PRR16: variants seen among roughly 807,000 people sequenced by gnomAD.
The protein encoded by PRR16 is proline rich 16.
PRR16 carries 6 observed loss-of-function variants against 18.2 expected under a neutral mutation model. The observed-to-expected ratio is 0.33, with a 90% confidence interval of 0.18 to 0.65. The LOEUF is 0.65. Among genes scored for constraint, PRR16 ranks in the 30% least tolerant of loss-of-function variants. PRR16 has a pLI of 0.74. For missense variants in PRR16, 412 were observed against 376.6 expected (o/e 1.09, Z -0.78); for synonymous variants, 151 against 147.8 (o/e 1.02, Z -0.16).
the PRR16 span, among the ~76,000 whole-genome samples, chr5:120,776,498 T>C: frequency 2.6e-5 from 4 of 152,120 alleles, no homozygotes; most frequent in African/African-American, 9.7e-5. Context: ...AAAAGTTCAA[T>C]ATGAGCTCTA....
intron 1 of PRR16, among the ~76,000 whole-genome samples, chr5:120,670,013 T>C (rs1310175086): frequency 1.3e-5 from 2 of 152,122 alleles, no homozygotes; most frequent in African/African-American, 4.8e-5. Context: ...ACAATACTTT[T>C]ATTCTGACCA....
chr5:120,465,596 CG>C (rs954637642), intron 1 of PRR16: 3 of 145,602 alleles, frequency 2.1e-5, no homozygotes, highest in African/African-American at 8.0e-5. Flanking sequence ...GGGCGGGGGC[CG>C]GGCTGGGAGG....
intron 1 of PRR16, among the ~76,000 whole-genome samples, chr5:120,549,157 G>A (rs74417598): frequency 6.6e-6 from 1 of 152,008 alleles, no homozygotes; most frequent in African/African-American, 2.4e-5. Flanking sequence ...GTGTGATGGG[G>A]TGAATACTGC....
the PRR16 span, among the ~76,000 whole-genome samples, chr5:120,764,793 A>G: frequency 6.6e-6 from 1 of 152,126 alleles, no homozygotes; most frequent in Admixed American, 6.5e-5. Context: ...TCGTATTAAC[A>G]TCAAGAAAAT....
chr5:120,523,192 T>C (rs12523485), intron 1 of PRR16, among the ~76,000 whole-genome samples: 24,745 of 152,164 alleles, frequency 0.16, 2,616 homozygotes, highest in African/African-American at 0.3. Context: ...TTTTGGAAAG[T>C]AGTCCATCTC....
the PRR16 span, among the ~76,000 whole-genome samples, chr5:120,748,419 A>G: frequency 1.3e-5 from 2 of 152,082 alleles, no homozygotes; most frequent in Non-Finnish European, 2.9e-5. Context: ...TCATAAATTC[A>G]TTCATTCACC....
chr5:120,687,721 CG>C (rs1757163194), downstream of PRR16, among the ~76,000 whole-genome samples: 1 of 152,132 alleles, frequency 6.6e-6, no homozygotes, highest in Admixed American at 6.5e-5. Flanking sequence ...CAGCATTTGG[CG>C]TAAGTTTTTC....
intron 1 of PRR16, among the ~76,000 whole-genome samples, chr5:120,559,294 C>G (rs1354309046): frequency 6.6e-6 from 1 of 151,810 alleles, no homozygotes; most frequent in Non-Finnish European, 1.5e-5. Context: ...TTAGATTTGT[C>G]TTTAATCCAT....
the PRR16 span, among the ~76,000 whole-genome samples, chr5:120,777,722 T>C: frequency 3.3e-5 from 5 of 152,098 alleles, no homozygotes; most frequent in Non-Finnish European, 1.5e-5. Flanking sequence ...CACAGTGTCT[T>C]ACTAAGTTTA....
the PRR16 span, among the ~76,000 whole-genome samples, chr5:120,693,899 T>C: frequency 6.6e-6 from 1 of 152,238 alleles, no homozygotes; most frequent in African/African-American, 2.4e-5. Context: ...AAGGTCGTGG[T>C]CCTTGCTAAA....
chr5:120,479,320 CCT>C (rs1378953790), intron 1 of PRR16, among the ~76,000 whole-genome samples: 2 of 152,046 alleles, frequency 1.3e-5, no homozygotes, highest in Non-Finnish European at 2.9e-5. Flanking sequence ...GACTGTTGGA[CCT>C]CTGTCTTTAA....
At chr5:120,741,888 A>T in the PRR16 span, among the ~76,000 whole-genome samples, 17 of 152,194 alleles carry the variant, frequency 1.1e-4, no homozygotes, top group African/African-American at 4.1e-4. Context: ...GGCATGAGCC[A>T]CCGCACCAGG....
the PRR16 span, among the ~76,000 whole-genome samples, chr5:120,709,574 G>T: frequency 2.6e-5 from 4 of 151,818 alleles, no homozygotes; most frequent in African/African-American, 9.7e-5. Flanking sequence ...CCAAACACTA[G>T]ATCTTATTCT....
chr5:120,717,670 G>T, the PRR16 span, among the ~76,000 whole-genome samples: 1 of 152,084 alleles, frequency 6.6e-6, no homozygotes, highest in Admixed American at 6.6e-5. Context: ...CCCAATCTGA[G>T]CATTGTGCTA....
chr5:120,516,858 C>T (rs1902147), intron 1 of PRR16, among the ~76,000 whole-genome samples: 3,486 of 152,216 alleles, frequency 0.023, 51 homozygotes, highest in Admixed American at 0.031. Context: ...CTTTATTTCC[C>T]GTTTTAGCAA....
chr5:120,611,562 T>G (rs2112806237), intron 1 of PRR16, among the ~76,000 whole-genome samples: 1 of 152,316 alleles, frequency 6.6e-6, no homozygotes, highest in South Asian at 2.1e-4. Context: ...AAGCTCAAAC[T>G]GTGGCTTCAG....
chr5:120,593,942 A>G (rs1753720952), intron 1 of PRR16, among the ~76,000 whole-genome samples: 1 of 152,150 alleles, frequency 6.6e-6, no homozygotes, highest in Non-Finnish European at 1.5e-5. Context: ...GCTTTTGATA[A>G]AATACAACAT....
chr5:120,717,071 A>C, the PRR16 span, among the ~76,000 whole-genome samples: 4 of 152,006 alleles, frequency 2.6e-5, no homozygotes, highest in African/African-American at 9.7e-5. Context: ...CTTGTCACCC[A>C]TAGTTTGACA....
At chr5:120,525,496 A>G (rs1012737232) in intron 1 of PRR16, among the ~76,000 whole-genome samples, 3 of 152,008 alleles carry the variant, frequency 2.0e-5, no homozygotes, top group Admixed American at 6.6e-5. Flanking sequence ...ATAAATAAAT[A>G]TATTAAATAG....
Sources: allele counts gnomAD v4.1 joint callset (sites outside exome capture counted in the v4.1 genomes callset), GRCh38; gene constraint gnomAD v4.1.1; transcripts MANE v1.5; gene names NCBI Gene and HGNC (gene_info 2026-07-23, HGNC 2026-07-21).